The following PRKCA variants were observed in gnomAD, a reference collection of about 807,000 sequenced individuals.
The protein encoded by PRKCA is protein kinase C alpha type.
Under a neutral mutation model 87.0 loss-of-function variants are expected in PRKCA, and 27 were observed. The observed-to-expected ratio is 0.31, with a 90% CI of 0.23 to 0.43. The LOEUF is 0.43. Ranked by LOEUF, PRKCA falls within the 20% of genes least tolerant of loss-of-function variation. The pLI is 1.00. For missense variants in PRKCA, 518 were observed against 852.3 expected, an observed-to-expected ratio of 0.61 and a Z score of 4.88; for synonymous variants, 329 against 311.1, an observed-to-expected ratio of 1.06 and a Z score of -0.61.
chr17:66,470,084 C>T (rs997392680), intron 2 of PRKCA, among the ~76,000 whole-genome samples: 1 of 151,288 alleles, frequency 6.6e-6, no homozygotes, highest in African/African-American at 2.4e-5. Flanking sequence ...CATGACTTGG[C>T]TGCATGTCCC....
At chr17:66,799,702 G>A (rs1297054807) in intron 16 of PRKCA, among the ~76,000 whole-genome samples, 1 of 151,222 alleles carries the variant, frequency 6.6e-6, no homozygotes, top group Non-Finnish European at 1.5e-5. Context: ...TGGTGGTGAT[G>A]AGGGTAGTTT....
At position 66,789,198 on chromosome 17, in the gene PRKCA, C is replaced by T. The variant is rs565122675; in HGVS notation, c.1854+219C>T. 2.0e-5 allele frequency among the ~76,000 whole-genome samples: 3 copies of T among 152,322 alleles called. No individual in the cohort carries two copies. In the East Asian group the frequency reaches 5.8e-4, roughly 29 times the overall value. The stretch of plus-strand genomic sequence containing the variant: ...AGGACCGATAAGGCAGGGAGGGGAA[C>T]CCTGTGCACACTTCATCCTCCAGCT... On this transcript the variant is annotated intron_variant, in intron 16 of 16. Coordinates refer to ENST00000413366, the MANE Select transcript of PRKCA (RefSeq NM_002737.3).
At chr17:66,575,990 T>G (rs1969227119) in intron 3 of PRKCA, among the ~76,000 whole-genome samples, 1 of 152,014 alleles carries the variant, frequency 6.6e-6, no homozygotes, top group African/African-American at 2.4e-5. Flanking sequence ...GATGCATGCC[T>G]GTAATCCCAG....
At chr17:66,455,992 T>C (rs982911378) in intron 2 of PRKCA, among the ~76,000 whole-genome samples, 4 of 151,928 alleles carry the variant, frequency 2.6e-5, no homozygotes, top group African/African-American at 9.7e-5. Flanking sequence ...AGACACTAAA[T>C]CCATTGACTG....
chr17:66,578,176 C>T (rs1046430981), intron 3 of PRKCA, among the ~76,000 whole-genome samples: 2 of 151,992 alleles, frequency 1.3e-5, no homozygotes, highest in African/African-American at 2.4e-5. Context: ...TCATTGTCTC[C>T]CTTTGATATT....
At chr17:66,783,708 A>G (rs1454256061) in intron 14 of PRKCA, among the ~76,000 whole-genome samples, 5 of 152,240 alleles carry the variant, frequency 3.3e-5, no homozygotes, top group African/African-American at 1.2e-4. Flanking sequence ...GAAGCTTCTC[A>G]CTACCCTACT....
intron 10 of PRKCA, among the ~76,000 whole-genome samples, chr17:66,736,530 G>A (rs940271444): frequency 7.2e-5 from 11 of 151,960 alleles, no homozygotes; most frequent in African/African-American, 1.2e-4. Flanking sequence ...CACCCGCCTC[G>A]GCCTCCCAAA....
intron 3 of PRKCA, among the ~76,000 whole-genome samples, chr17:66,515,373 T>C (rs1246174911): frequency 6.6e-6 from 1 of 151,100 alleles, no homozygotes; most frequent in East Asian, 2.0e-4. Context: ...TGTGCACACG[T>C]GTGTGTAAGT....
chr17:66,427,861 AGGATGCATCTT>A (rs1912896540), intron 2 of PRKCA, among the ~76,000 whole-genome samples: 1 of 152,234 alleles, frequency 6.6e-6, no homozygotes, highest in East Asian at 1.9e-4. Flanking sequence ...CTGAGAACCT[AGGATGCATCTT>A]GATGGTCCTA....
At chr17:66,680,869 AGT>A (rs1972472568) in intron 5 of PRKCA, among the ~76,000 whole-genome samples, 1 of 152,214 alleles carries the variant, frequency 6.6e-6, no homozygotes. Context: ...TATGCAAGGC[AGT>A]GAGTCACAGG....
chr17:66,680,682 C>G (rs1972464779), intron 5 of PRKCA, among the ~76,000 whole-genome samples: 1 of 152,116 alleles, frequency 6.6e-6, no homozygotes, highest in Non-Finnish European at 1.5e-5. Context: ...CTCAACAAAG[C>G]TTTTGGTGTA....
At chr17:66,525,855 T>TTTA (rs1321133879) in intron 3 of PRKCA, among the ~76,000 whole-genome samples, 1 of 152,202 alleles carries the variant, frequency 6.6e-6, no homozygotes, top group African/African-American at 2.4e-5. Flanking sequence ...GTCTCTTTTT[T>TTTA]TTTCAATTCA....
At chr17:66,641,577 A>T in intron 4 of PRKCA, 111 bp downstream of exon 4, 1 of 622,722 alleles carries the variant, frequency 1.6e-6, no homozygotes, top group East Asian at 2.9e-5. Flanking sequence ...CAGTAGAGGG[A>T]ATTAGTTCAG....
At chr17:66,341,346 A>C (rs1277564235) in intron 2 of PRKCA, among the ~76,000 whole-genome samples, 2 of 152,162 alleles carry the variant, frequency 1.3e-5, no homozygotes, top group Admixed American at 1.3e-4. Context: ...CCTGCTTTTA[A>C]TCTCTAAGGT....
chr17:66,616,476 A>G (rs1410973081), intron 3 of PRKCA, among the ~76,000 whole-genome samples: 1 of 152,166 alleles, frequency 6.6e-6, no homozygotes, highest in African/African-American at 2.4e-5. Context: ...GATTCCATTC[A>G]TGTTGCAGAT....
intron 2 of PRKCA, among the ~76,000 whole-genome samples, chr17:66,411,242 CTTTT>C (rs11296687): frequency 7.3e-6 from 1 of 136,962 alleles, no homozygotes; most frequent in African/African-American, 2.7e-5. Context: ...CAACATCTGG[CTTTT>C]TTTTTTTTTT....
intron 6 of PRKCA, 116 bp downstream of exon 6, chr17:66,687,383 C>A: frequency 9.1e-7 from 1 of 1,099,960 alleles, no homozygotes. Context: ...GTCTTCAGTC[C>A]TAAGACCTCC....
At chr17:66,746,305 C>G (rs1974284039) in intron 13 of PRKCA, among the ~76,000 whole-genome samples, 1 of 151,838 alleles carries the variant, frequency 6.6e-6, no homozygotes, top group Non-Finnish European at 1.5e-5. Flanking sequence ...GTGTGTGCCA[C>G]CACCTGTGCC....
At chr17:66,481,053 C>A (rs1199917290) in intron 2 of PRKCA, among the ~76,000 whole-genome samples, 6 of 152,094 alleles carry the variant, frequency 3.9e-5, no homozygotes, top group Non-Finnish European at 8.8e-5. Flanking sequence ...GGGGAGAAGT[C>A]CCTGGATCTG....
Sources: gnomAD v4.1 joint callset for allele counts (sites outside exome capture counted in the v4.1 genomes callset) on GRCh38, gnomAD v4.1.1 for gene constraint, MANE v1.5 for transcripts, NCBI Gene and HGNC (gene_info 2026-07-23, HGNC 2026-07-21) for gene names.